Variants in NCALD observed in about 807,000 individuals in gnomAD.
NCALD encodes neurocalcin delta.
NCALD carries 10 observed loss-of-function variants against 18.6 expected under a neutral mutation model. That is an observed-to-expected ratio of 0.54 (90% CI 0.33 to 0.91). The LOEUF (loss-of-function observed/expected upper bound fraction) is 0.91. Ranked by LOEUF, NCALD falls within the 40% of genes least tolerant of loss-of-function variation. NCALD has a pLI of 0.03. For synonymous variants in NCALD, 88 were observed against 87.4 expected (o/e 1.01, Z -0.04); for missense variants, 184 against 247.6 (o/e 0.74, Z 1.72).
At chr8:101,747,703 G>A (rs1322027193) in intron 1 of NCALD, among the ~76,000 whole-genome samples, 1 of 151,656 alleles carries the variant, frequency 6.6e-6, no homozygotes, top group Non-Finnish European at 1.5e-5. Flanking sequence ...TTTACACTGA[G>A]CTTGAGGAAA....
chr8:101,795,858 T>C (rs1283378309), upstream of NCALD, among the ~76,000 whole-genome samples: 3 of 152,120 alleles, frequency 2.0e-5, no homozygotes, highest in Non-Finnish European at 4.4e-5. Flanking sequence ...GAGAAAAAAA[T>C]GGAATCACAG....
intron 2 of NCALD, among the ~76,000 whole-genome samples, chr8:101,932,313 C>T (rs1818607064): frequency 1.3e-5 from 2 of 152,150 alleles, no homozygotes; most frequent in African/African-American, 2.4e-5. Context: ...AAATACCCAC[C>T]TCCTAACCCC....
chr8:101,803,529 T>C (rs1812946065), intron 4 of NCALD, among the ~76,000 whole-genome samples: 1 of 152,208 alleles, frequency 6.6e-6, no homozygotes, highest in Non-Finnish European at 1.5e-5. Flanking sequence ...CATAAGACCA[T>C]AGCTCTTAAA....
At chr8:102,111,027 T>C (rs1825624076) in intron 1 of NCALD, among the ~76,000 whole-genome samples, 1 of 152,204 alleles carries the variant, frequency 6.6e-6, no homozygotes, top group South Asian at 2.1e-4. Context: ...AAACTCTATA[T>C]TAAGTAATGA....
intron 1 of NCALD, among the ~76,000 whole-genome samples, chr8:101,758,465 T>C (rs1278075832): frequency 6.6e-6 from 1 of 152,246 alleles, no homozygotes; most frequent in East Asian, 1.9e-4. Context: ...GCACTTTATA[T>C]AACACTGCAG....
intron 1 of NCALD, among the ~76,000 whole-genome samples, chr8:102,067,414 A>G (rs1658028257): frequency 1.3e-5 from 2 of 151,758 alleles, no homozygotes; most frequent in African/African-American, 4.8e-5. Context: ...TCAACTGTAT[A>G]CTTTTAAAGT....
chr8:101,704,613 G>A (rs1314058331), intron 2 of NCALD, among the ~76,000 whole-genome samples: 2 of 152,128 alleles, frequency 1.3e-5, no homozygotes, highest in East Asian at 3.8e-4. Context: ...AAGAAATTTA[G>A]ACATCATTTA....
intron 1 of NCALD, among the ~76,000 whole-genome samples, chr8:101,742,798 G>C (rs772604340): frequency 2.6e-5 from 4 of 152,104 alleles, no homozygotes; most frequent in Non-Finnish European, 5.9e-5. Context: ...GCATGCATTA[G>C]CTATTTGTCC....
chr8:101,888,925 C>T (rs1816774228), intron 3 of NCALD, among the ~76,000 whole-genome samples: 1 of 152,176 alleles, frequency 6.6e-6, no homozygotes, highest in Non-Finnish European at 1.5e-5. Flanking sequence ...TATCCAATAA[C>T]AAGTCTACCC....
At chr8:101,913,621 T>C (rs1281781221) in intron 3 of NCALD, among the ~76,000 whole-genome samples, 1 of 152,230 alleles carries the variant, frequency 6.6e-6, no homozygotes, top group Non-Finnish European at 1.5e-5. Flanking sequence ...TCGCTCTTGT[T>C]GCCCAGGCTG....
rs970919664 is a variant in NCALD, at chr8:101,709,268, C to T, written c.378+9984G>A. On this transcript the variant is annotated intron_variant, in intron 2 of 3. Coordinates refer to ENST00000220931, the MANE Select transcript of NCALD (RefSeq NM_032041.3). ...TGTACACCCTACGGAGAGGATATTT[C>T]CTGTTACAGCTGAAGTGTGAATTGG... is the stretch of plus-strand genomic sequence containing the variant. 2.1e-4 allele frequency among the ~76,000 whole-genome samples: 32 copies of T among 152,160 alleles called. 1 individual carries two copies. Among genetic ancestry groups the T allele is most frequent in the African/African-American group, 7.7e-4 (32 of 41,424 alleles).
At chr8:102,084,609 G>A (rs2186683) in intron 1 of NCALD, among the ~76,000 whole-genome samples, 4 of 152,120 alleles carry the variant, frequency 2.6e-5, no homozygotes, top group East Asian at 1.9e-4. Flanking sequence ...TGGGAGGGGC[G>A]CCACACGCAA....
At chr8:102,075,528 A>G (rs17500367) in intron 1 of NCALD, among the ~76,000 whole-genome samples, 9,255 of 152,272 alleles carry the variant, frequency 0.061, 412 homozygotes, top group Non-Finnish European at 0.092. Flanking sequence ...ATAATTATTT[A>G]TTGCATCTCT....
chr8:101,692,253 G>A, intron 3 of NCALD: 1 of 985,236 alleles, frequency 1.0e-6, no homozygotes, highest in East Asian at 1.1e-4. Context: ...AACCTGCTGG[G>A]CACCTTACTC....
intron 4 of NCALD, among the ~76,000 whole-genome samples, chr8:101,879,538 G>A (rs1251315752): frequency 6.6e-6 from 1 of 152,238 alleles, no homozygotes; most frequent in Middle Eastern, 3.4e-3. Flanking sequence ...GCTGCAAAAG[G>A]GAAAAACACA....
intron 1 of NCALD, among the ~76,000 whole-genome samples, chr8:102,121,806 T>G (rs1825953135): frequency 6.6e-6 from 1 of 152,224 alleles, no homozygotes; most frequent in South Asian, 2.1e-4. Context: ...CCACATTTCT[T>G]TTGACCAACT....
intron 2 of NCALD, among the ~76,000 whole-genome samples, chr8:101,974,417 C>T (rs570956464): frequency 7.2e-4 from 109 of 152,248 alleles, no homozygotes; most frequent in Non-Finnish European, 1.4e-3. Flanking sequence ...AAACCCCCTT[C>T]TATGTGGAAA....
rs180813694 is a variant in NCALD, at chr8:102,093,401, T to A, written c.-210+30836A>T. 2.3e-4 allele frequency among the ~76,000 whole-genome samples: 35 copies of A among 152,316 alleles called. No homozygotes were observed. The East Asian group carries it at 5.8e-3, about 25-fold the overall frequency. On this transcript the variant is annotated intron_variant, in intron 1 of 6. Coordinates refer to the NCALD transcript ENST00000311028. Reference sequence around the variant, plus strand: ...GATTGCTAGCTGCCAACATATCCCTTCTCTCCTATCTACATTATTGAGTAG... The same window carrying A: ...GATTGCTAGCTGCCAACATATCCCTACTCTCCTATCTACATTATTGAGTAG...
intron 2 of NCALD, among the ~76,000 whole-genome samples, chr8:101,998,568 A>C (rs1821323552): frequency 6.6e-6 from 1 of 152,142 alleles, no homozygotes; most frequent in Admixed American, 6.5e-5. Context: ...ATGTCCCTTC[A>C]CAGCTCTGGC....
Sources: gnomAD v4.1 joint callset for allele counts (sites outside exome capture counted in the v4.1 genomes callset) on GRCh38, gnomAD v4.1.1 for gene constraint, MANE v1.5 for transcripts, NCBI Gene and HGNC (gene_info 2026-07-23, HGNC 2026-07-21) for gene names.